The following TENM4 variants were observed in gnomAD, a reference collection of about 807,000 sequenced individuals.
TENM4 encodes teneurin-4.
In TENM4, 82 loss-of-function variants were observed where a neutral mutation model predicts 243.3. The observed-to-expected ratio is 0.34, with a 90% CI of 0.28 to 0.40. The LOEUF (loss-of-function observed/expected upper bound fraction) is 0.40. TENM4 is among the 10% of genes least tolerant of loss of function. The probability of loss-of-function intolerance (pLI) is 1.00; values close to 1 mark genes in which losing one functional copy is unlikely to be tolerated. For missense variants in TENM4, 3,138 were observed against 3,673.3 expected, an observed-to-expected ratio of 0.85 and a Z score of 3.77; for synonymous variants, 1,412 against 1,456.3, an observed-to-expected ratio of 0.97 and a Z score of 0.69.
chr11:78,910,064 C>T (rs547701668), intron 6 of TENM4, among the ~76,000 whole-genome samples: 1 of 152,262 alleles, frequency 6.6e-6, no homozygotes, highest in South Asian at 2.1e-4. Context: ...AGATCACATT[C>T]ATGAGAAAAA....
At chr11:79,127,089 G>T (rs573952377) in intron 4 of TENM4, among the ~76,000 whole-genome samples, 1 of 152,188 alleles carries the variant, frequency 6.6e-6, no homozygotes, top group Non-Finnish European at 1.5e-5. Flanking sequence ...TTTCCCCAGT[G>T]CTAGAATGCA....
In TENM4 at chr11:79,120,231, T is replaced by C. The variant is rs565148359; in HGVS notation, c.-66+28479A>G. 2.4e-4 allele frequency among the ~76,000 whole-genome samples: 36 copies of C among 152,310 alleles called. 1 individual carries two copies. Among genetic ancestry groups the C allele is most frequent in the African/African-American group, 8.4e-4 (35 of 41,570 alleles). ...AACAGATGAGGGAATATGCAAAATA[T>C]GTAACTAGGACCATCTACTTCCCTA... On this transcript the variant is annotated intron_variant, in intron 4 of 33. Coordinates refer to ENST00000278550, the MANE Select transcript of TENM4 (RefSeq NM_001098816.3).
chr11:79,024,748 T>C (rs1395047605), intron 6 of TENM4, among the ~76,000 whole-genome samples: 1 of 152,220 alleles, frequency 6.6e-6, no homozygotes. Flanking sequence ...CTCGTGTGTA[T>C]GGTGCCTTTA....
At chr11:79,201,707 C>G (rs1283389731) in intron 3 of TENM4, among the ~76,000 whole-genome samples, 3 of 151,584 alleles carry the variant, frequency 2.0e-5, no homozygotes, top group Admixed American at 6.6e-5. Context: ...CAGAGACTCA[C>G]AGAAGCATGA....
At chr11:78,774,636 G>A (rs1856706066) in intron 17 of TENM4, among the ~76,000 whole-genome samples, 1 of 152,182 alleles carries the variant, frequency 6.6e-6, no homozygotes, top group Non-Finnish European at 1.5e-5. Context: ...CAATGAGAGG[G>A]ACAAGAGGCC....
intron 1 of TENM4, among the ~76,000 whole-genome samples, chr11:79,315,083 C>T (rs1391099276): frequency 6.6e-6 from 1 of 152,156 alleles, no homozygotes; most frequent in Non-Finnish European, 1.5e-5. Context: ...GTTATTTAAG[C>T]TGAGTAATAG....
chr11:78,712,431 G>A (rs55815413), intron 26 of TENM4, 51 bp downstream of exon 26: 31,099 of 1,549,922 alleles, frequency 0.02, 365 homozygotes, highest in Non-Finnish European at 0.023. Flanking sequence ...TTCTGAAAAG[G>A]AAAATACCCC....
intron 18 of TENM4, among the ~76,000 whole-genome samples, chr11:78,764,730 C>G (rs1227709238): frequency 6.6e-6 from 1 of 152,102 alleles, no homozygotes. Flanking sequence ...GCACTGGATG[C>G]TCAGGAATAA....
chr11:78,829,293 G>A (rs962623531), intron 12 of TENM4, among the ~76,000 whole-genome samples: 3 of 152,174 alleles, frequency 2.0e-5, no homozygotes, highest in Non-Finnish European at 4.4e-5. Context: ...CCTGGTCCAT[G>A]GCAGAGCATG....
intron 1 of TENM4, among the ~76,000 whole-genome samples, chr11:79,428,795 G>T (rs1157630200): frequency 1.3e-5 from 2 of 152,150 alleles, no homozygotes; most frequent in Non-Finnish European, 2.9e-5. Flanking sequence ...AACAAATTAG[G>T]TCACTCACCT....
intron 6 of TENM4, among the ~76,000 whole-genome samples, chr11:78,932,800 G>A (rs149595213): frequency 4.9e-4 from 75 of 152,236 alleles, no homozygotes; most frequent in Non-Finnish European, 2.2e-4. Flanking sequence ...CCTCGCATGC[G>A]CAGTTCAAAA....
At chr11:79,027,619 T>C (rs137958186) in intron 6 of TENM4, among the ~76,000 whole-genome samples, 183 of 152,348 alleles carry the variant, frequency 1.2e-3, no homozygotes, top group Middle Eastern at 3.4e-3. Flanking sequence ...ATTTTTTCCT[T>C]TGCTCAGTCT....
At chr11:78,927,921 T>C (rs1198339553) in intron 6 of TENM4, among the ~76,000 whole-genome samples, 2 of 152,118 alleles carry the variant, frequency 1.3e-5, no homozygotes, top group Non-Finnish European at 2.9e-5. Context: ...ACAGCTTCCA[T>C]TTCAAACTTC....
At chr11:79,162,517 T>C (rs1862771796) in intron 3 of TENM4, among the ~76,000 whole-genome samples, 1 of 152,108 alleles carries the variant, frequency 6.6e-6, no homozygotes, top group African/African-American at 2.4e-5. Flanking sequence ...CTGACTCCTC[T>C]ATGTCTTAAT....
chr11:79,346,012 A>G (rs116791660), intron 1 of TENM4, among the ~76,000 whole-genome samples: 80 of 152,320 alleles, frequency 5.3e-4, no homozygotes, highest in Non-Finnish European at 8.7e-4. Context: ...ACATGTCTCC[A>G]TAGAGTTGAC....
chr11:79,154,646 C>G (rs1862568616), intron 3 of TENM4, among the ~76,000 whole-genome samples: 1 of 152,132 alleles, frequency 6.6e-6, no homozygotes, highest in Non-Finnish European at 1.5e-5. Flanking sequence ...GTGCCGTCCC[C>G]AAGGCTGGGA....
At chr11:79,336,420 G>C (rs185601481) in intron 1 of TENM4, among the ~76,000 whole-genome samples, 1 of 152,224 alleles carries the variant, frequency 6.6e-6, no homozygotes, top group African/African-American at 2.4e-5. Context: ...AAATGATAGA[G>C]GTATTAGATG....
intron 2 of TENM4, among the ~76,000 whole-genome samples, chr11:79,259,883 C>A (rs1294322490): frequency 1.3e-5 from 2 of 152,204 alleles, no homozygotes; most frequent in East Asian, 3.9e-4. Flanking sequence ...TATCACATCG[C>A]TTGCTGACAA....
At chr11:79,318,998 G>A (rs753407899) in intron 1 of TENM4, among the ~76,000 whole-genome samples, 2 of 152,170 alleles carry the variant, frequency 1.3e-5, no homozygotes, top group Non-Finnish European at 2.9e-5. Flanking sequence ...CACTGCTGGT[G>A]GCACTTCAGG....
Sources: allele counts gnomAD v4.1 joint callset (sites outside exome capture counted in the v4.1 genomes callset), GRCh38; gene constraint gnomAD v4.1.1; transcripts MANE v1.5; gene names NCBI Gene and HGNC (gene_info 2026-07-23, HGNC 2026-07-21).